Variants in KLHDC1 observed in about 807,000 individuals in gnomAD.
KLHDC1 encodes the protein kelch domain-containing protein 1.
KLHDC1 carries 53 observed loss-of-function variants against 68.3 expected under a neutral mutation model. The observed-to-expected ratio is 0.78, with a 90% CI of 0.62 to 0.98. The LOEUF (loss-of-function observed/expected upper bound fraction) is 0.98, where lower values mean the gene tolerates loss of function less well. Among genes scored for constraint, KLHDC1 ranks in the 50% least tolerant of loss-of-function variants. The pLI is 0.00. For missense variants in KLHDC1, 470 were observed against 492.3 expected, an observed-to-expected ratio of 0.95 and a Z score of 0.43; for synonymous variants, 148 against 159.0, an observed-to-expected ratio of 0.93 and a Z score of 0.52.
Position 49,732,769 on chromosome 14 carries a change from ATAAACTTTTCC to A in KLHDC1, c.779_789del (p.Lys260MetfsTer8). ...CATACTTTAACACCTATAGCTGATGATAAACTTTTCCTATGTGGTGGACTAAGTGCAGATAA... is the reference window on the plus strand; with the variant it reads ...CATACTTTAACACCTATAGCTGATGATATGTGGTGGACTAAGTGCAGATAA... On this transcript the variant is annotated frameshift_variant, in exon 9 of 13. Transcript: ENST00000359332. LOFTEE classifies it high-confidence loss of function. 2 of 1,609,878 alleles carry A rather than the reference ATAAACTTTTCC, an allele frequency of 1.2e-6. No homozygotes were observed. Among genetic ancestry groups the A allele is most frequent in the South Asian group, 2.2e-5 (2 of 90,930 alleles).
chr14:49,718,244 G>C (rs749854154), intron 4 of KLHDC1, among the ~76,000 whole-genome samples: 6 of 152,040 alleles, frequency 3.9e-5, no homozygotes, highest in Non-Finnish European at 7.4e-5. Context: ...CCAACTTGTT[G>C]ATATACCCTT....
chr14:49,740,872 A>G (rs1176611953), intron 11 of KLHDC1, among the ~76,000 whole-genome samples: 1 of 152,086 alleles, frequency 6.6e-6, no homozygotes, highest in East Asian at 1.9e-4. Flanking sequence ...AGGCAGGCAA[A>G]TCACTTGAGG....
rs1022132301 is a variant in KLHDC1, at chr14:49,710,469, G to GT, written c.404+95dup. 11 of 682,934 alleles carry GT rather than the reference G, an allele frequency of 1.6e-5. No homozygotes were observed. The African/African-American group carries it at 2.0e-4, about 12-fold the overall frequency. 42.3% of individuals were successfully genotyped at this position (682,934 alleles called of 1,614,324 possible). ...AAATACAGAATGCTTAAAGGTATGA[G>GT]TTTTTTTCAGGATTGCAATTGATTT... On this transcript the variant is annotated intron_variant, in intron 4 of 12. Coordinates refer to ENST00000359332, the MANE Select transcript of KLHDC1 (RefSeq NM_172193.3).
chr14:49,743,828 A>G (rs1307728193), intron 12 of KLHDC1, 23 bp downstream of exon 12: 3 of 1,354,748 alleles, frequency 2.2e-6, no homozygotes, highest in East Asian at 2.3e-5. Flanking sequence ...AATATTTTCT[A>G]TATATTTGCT....
chr14:49,708,191 C>G (rs958147670), intron 1 of KLHDC1: 1 of 151,772 alleles, frequency 6.6e-6, no homozygotes, highest in African/African-American at 2.4e-5. Context: ...CTGCCTCAGC[C>G]TCCTGAGTAG....
chr14:49,715,517 C>T (rs947058649), intron 4 of KLHDC1, among the ~76,000 whole-genome samples: 4 of 150,938 alleles, frequency 2.7e-5, no homozygotes, highest in African/African-American at 2.4e-5. Flanking sequence ...GAGGCCAAGG[C>T]GGGCAGATTA....
chr14:49,717,008 C>T (rs1472624831), intron 4 of KLHDC1, among the ~76,000 whole-genome samples: 5 of 152,246 alleles, frequency 3.3e-5, no homozygotes, highest in South Asian at 2.1e-4. Flanking sequence ...TTTCACTTAA[C>T]ATAACGTTTT....
At chr14:49,728,152 A>T (rs937516097) in intron 6 of KLHDC1, among the ~76,000 whole-genome samples, 1 of 152,136 alleles carries the variant, frequency 6.6e-6, no homozygotes, top group Admixed American at 6.5e-5. Context: ...GCGAAACCTC[A>T]TCTCTACTAA....
chr14:49,705,729 C>G (rs1056355935), intron 1 of KLHDC1, among the ~76,000 whole-genome samples: 1 of 152,078 alleles, frequency 6.6e-6, no homozygotes, highest in Admixed American at 6.6e-5. Flanking sequence ...GCCATTAAAC[C>G]TTAGACTCAT....
At chr14:49,747,154 A>G (rs976656480) in intron 12 of KLHDC1, among the ~76,000 whole-genome samples, 2 of 152,010 alleles carry the variant, frequency 1.3e-5, no homozygotes, top group Non-Finnish European at 2.9e-5. Context: ...TCACCATGTT[A>G]GCCAGGATGG....
chr14:49,730,739 G>A (rs911492417), intron 8 of KLHDC1, among the ~76,000 whole-genome samples: 6 of 152,098 alleles, frequency 3.9e-5, no homozygotes, highest in African/African-American at 7.2e-5. Context: ...TTGGGAAACC[G>A]AGGCAGGTGG....
At chr14:49,708,947 G>C (rs1178725298) in intron 1 of KLHDC1, among the ~76,000 whole-genome samples, 2 of 151,832 alleles carry the variant, frequency 1.3e-5, no homozygotes, top group East Asian at 3.9e-4. Flanking sequence ...TACTCGCTAT[G>C]TTTTATTTTG....
chr14:49,729,469 T>C (rs1888749390), intron 7 of KLHDC1, 21 bp from the exon 8 acceptor site: 1 of 1,558,676 alleles, frequency 6.4e-7, no homozygotes, highest in Non-Finnish European at 8.8e-7. Flanking sequence ...TACTGACCAA[T>C]GTAACACACT....
Position 49,709,692 on chromosome 14 carries a change from T to C in KLHDC1, c.168-17T>C, listed in dbSNP as rs1435115117. 7.0e-7 allele frequency: 1 copy of C among 1,428,640 alleles called. No individual in the cohort carries two copies. The highest frequency in any genetic ancestry group is 9.6e-7 in the Non-Finnish European group (1 of 1,038,836). The allele number at this position is 1,428,640 out of a possible 1,614,324, so 88.5% of individuals were successfully genotyped here. A position where few individuals can be genotyped will look rare whatever the true frequency, so the allele number is the denominator to read the frequency against. ...CTTTCTGGAAAGTTATGGGATTCCATGTTATTCTTGCTGCAGGAGAATGCA... is the reference window on the plus strand; with the variant it reads ...CTTTCTGGAAAGTTATGGGATTCCACGTTATTCTTGCTGCAGGAGAATGCA... On this transcript the variant is annotated splice_polypyrimidine_tract_variant and intron_variant, in intron 2 of 12. Coordinates refer to ENST00000359332, the MANE Select transcript of KLHDC1 (RefSeq NM_172193.3).
chr14:49,711,731 T>C (rs1888205685), intron 4 of KLHDC1, among the ~76,000 whole-genome samples: 1 of 152,052 alleles, frequency 6.6e-6, no homozygotes, highest in East Asian at 1.9e-4. Context: ...GTTTTAAGGG[T>C]TTTCTTCATT....
At chr14:49,732,197 C>CAGTCTA (rs911409044) in intron 8 of KLHDC1, among the ~76,000 whole-genome samples, 3 of 150,728 alleles carry the variant, frequency 2.0e-5, no homozygotes, top group Admixed American at 6.6e-5. Context: ...CTTGGAGAAG[C>CAGTCTA]AGTCTCTCTC....
At chr14:49,699,420 TTAA>T in intron 1 of KLHDC1, among the ~76,000 whole-genome samples, 1 of 149,980 alleles carries the variant, frequency 6.7e-6, no homozygotes. Flanking sequence ...AGTATAGGCT[TTAA>T]AAAAAAAAAA....
At chr14:49,741,070 G>T (rs1172900429) in intron 11 of KLHDC1, among the ~76,000 whole-genome samples, 1 of 152,036 alleles carries the variant, frequency 6.6e-6, no homozygotes, top group Non-Finnish European at 1.5e-5. Flanking sequence ...CTCCAGTCTG[G>T]GTGACAGAGC....
At chr14:49,702,715 C>A (rs1887941794) in intron 1 of KLHDC1, among the ~76,000 whole-genome samples, 1 of 152,126 alleles carries the variant, frequency 6.6e-6, no homozygotes, top group South Asian at 2.1e-4. Context: ...AATAAAAATA[C>A]CTGAAAGTCA....
Sources: gnomAD v4.1 joint callset for allele counts (sites outside exome capture counted in the v4.1 genomes callset) on GRCh38, gnomAD v4.1.1 for gene constraint, MANE v1.5 for transcripts, NCBI Gene and HGNC (gene_info 2026-07-23, HGNC 2026-07-21) for gene names.